The following PCDH9 variants were observed in gnomAD, a reference collection of about 807,000 sequenced individuals.
PCDH9 encodes the protein protocadherin-9.
A neutral mutation model predicts 70.6 loss-of-function variants in PCDH9; 24 were observed. The ratio of observed to expected loss-of-function variants is 0.34; its 90% CI spans 0.25 to 0.48. The LOEUF (loss-of-function observed/expected upper bound fraction) is 0.48. PCDH9 is among the 20% of genes least tolerant of loss of function. PCDH9 has a pLI of 0.99. For synonymous variants in PCDH9, 562 were observed against 558.5 expected (o/e 1.01, Z -0.09); for missense variants, 1,281 against 1,503.6 (o/e 0.85, Z 2.45).
At chr13:66,337,232 G>A (rs972315052) in intron 4 of PCDH9, among the ~76,000 whole-genome samples, 6 of 151,834 alleles carry the variant, frequency 4.0e-5, no homozygotes, top group Non-Finnish European at 7.4e-5. Flanking sequence ...TCAAAATTAG[G>A]CTCAATAATA....
intron 4 of PCDH9, among the ~76,000 whole-genome samples, chr13:66,350,970 T>C (rs1006598981): frequency 5.3e-5 from 8 of 152,160 alleles, no homozygotes; most frequent in African/African-American, 1.9e-4. Flanking sequence ...TTGCTAATCT[T>C]TTCTCATGTC....
chr13:66,935,065 A>ATTAT (rs1348971320), intron 2 of PCDH9, among the ~76,000 whole-genome samples: 1 of 151,200 alleles, frequency 6.6e-6, no homozygotes, highest in Non-Finnish European at 1.5e-5. Flanking sequence ...TTTTAAATTA[A>ATTAT]TTATTAATAT....
At chr13:66,809,115 T>C (rs944775219) in intron 3 of PCDH9, among the ~76,000 whole-genome samples, 7 of 152,120 alleles carry the variant, frequency 4.6e-5, no homozygotes, top group Admixed American at 2.0e-4. Context: ...GCTCGACTAA[T>C]TTTTTGTATT....
At chr13:66,713,621 G>GTACAT (rs1415001060) in intron 3 of PCDH9, among the ~76,000 whole-genome samples, 2 of 16,886 alleles carry the variant, frequency 1.2e-4, no homozygotes, top group African/African-American at 2.5e-4. Context: ...AAGTGTGTGT[G>GTACAT]TGTGTATATA....
intron 3 of PCDH9, among the ~76,000 whole-genome samples, chr13:66,824,862 C>T (rs1047964332): frequency 2.6e-5 from 4 of 151,306 alleles, no homozygotes; most frequent in African/African-American, 9.7e-5. Flanking sequence ...TAGTGAAAGT[C>T]TTAAATCTGT....
At chr13:66,371,019 C>G (rs1160672178) in intron 4 of PCDH9, among the ~76,000 whole-genome samples, 1 of 152,030 alleles carries the variant, frequency 6.6e-6, no homozygotes, top group Non-Finnish European at 1.5e-5. Flanking sequence ...GATAATGACA[C>G]AGACATAGCT....
rs2068723 is a variant in PCDH9 at position 66,886,274 on chromosome 13, G to A, written c.3138+17230C>T. 7.2e-5 allele frequency among the ~76,000 whole-genome samples: 11 copies of A among 152,198 alleles called. No individual in the cohort carries two copies. The East Asian group carries it at 2.1e-3, about 29-fold the overall frequency. On this transcript the variant is annotated intron_variant, in intron 3 of 4. Coordinates refer to ENST00000377865, the MANE Select transcript of PCDH9 (RefSeq NM_203487.3). ...TCCAAAAGGTTTAGCTCACCCTGAG[G>A]GGTTGCAGAAAAGGAAGAGAACATT...
At chr13:67,146,715 G>A (rs2066125729) in intron 2 of PCDH9, among the ~76,000 whole-genome samples, 1 of 152,172 alleles carries the variant, frequency 6.6e-6, no homozygotes, top group South Asian at 2.1e-4. Context: ...TTATGAAGGA[G>A]TCCCAATTCT....
chr13:67,059,846 T>C (rs1284241258), intron 2 of PCDH9, among the ~76,000 whole-genome samples: 1 of 151,070 alleles, frequency 6.6e-6, no homozygotes, highest in Non-Finnish European at 1.5e-5. Context: ...CAACATTTTG[T>C]ATCTGTGTAT....
intron 4 of PCDH9, among the ~76,000 whole-genome samples, chr13:66,349,764 C>T (rs1340370073): frequency 6.6e-6 from 1 of 152,112 alleles, no homozygotes; most frequent in African/African-American, 2.4e-5. Context: ...ATGTCAGATA[C>T]CAGTTACGAG....
intron 2 of PCDH9, among the ~76,000 whole-genome samples, chr13:67,127,549 T>C (rs996229118): frequency 1.3e-5 from 2 of 151,794 alleles, no homozygotes; most frequent in African/African-American, 2.4e-5. Flanking sequence ...GTATCCTTTT[T>C]TGCACTACAA....
chr13:66,895,178 T>C (rs1371066298), intron 3 of PCDH9, among the ~76,000 whole-genome samples: 1 of 152,218 alleles, frequency 6.6e-6, no homozygotes, highest in Non-Finnish European at 1.5e-5. Flanking sequence ...TATTTTATAA[T>C]ACGAACTGTT....
intron 2 of PCDH9, among the ~76,000 whole-genome samples, chr13:67,072,554 T>G (rs963893268): frequency 1.1e-4 from 17 of 152,140 alleles, no homozygotes; most frequent in Non-Finnish European, 2.2e-4. Context: ...TTAATCTTCC[T>G]TTTTTATAGG....
At chr13:66,613,616 T>C (rs1288347982) in intron 4 of PCDH9, among the ~76,000 whole-genome samples, 1 of 152,218 alleles carries the variant, frequency 6.6e-6, no homozygotes, top group East Asian at 1.9e-4. Flanking sequence ...AAGCTTTGTT[T>C]AGCAATCCTG....
intron 4 of PCDH9, among the ~76,000 whole-genome samples, chr13:66,599,306 G>A (rs2077137931): frequency 6.6e-6 from 1 of 151,454 alleles, no homozygotes; most frequent in Non-Finnish European, 1.5e-5. Context: ...TGTTTTAATT[G>A]AAGAGATTTT....
At chr13:66,883,182 A>T (rs1218193447) in intron 3 of PCDH9, among the ~76,000 whole-genome samples, 2 of 152,146 alleles carry the variant, frequency 1.3e-5, no homozygotes, top group Admixed American at 6.5e-5. Context: ...ATCACCTCTA[A>T]GGCTCTGATC....
chr13:66,622,373 C>G (rs1333491139), intron 4 of PCDH9, among the ~76,000 whole-genome samples: 2 of 152,178 alleles, frequency 1.3e-5, no homozygotes, highest in Non-Finnish European at 2.9e-5. Context: ...CACCTGCAGC[C>G]CCGGTGCAGG....
chr13:66,821,373 T>C (rs945302566), intron 3 of PCDH9, among the ~76,000 whole-genome samples: 1 of 152,150 alleles, frequency 6.6e-6, no homozygotes, highest in Admixed American at 6.5e-5. Flanking sequence ...CTATTTCTTT[T>C]TGAACCTTAC....
intron 2 of PCDH9, among the ~76,000 whole-genome samples, chr13:67,070,794 TAATA>T (rs1181778756): frequency 6.6e-6 from 1 of 152,202 alleles, no homozygotes; most frequent in African/African-American, 2.4e-5. Flanking sequence ...ATGTAAAATC[TAATA>T]ATTATGTAAG....
Sources: gnomAD v4.1 joint callset for allele counts (sites outside exome capture counted in the v4.1 genomes callset) on GRCh38, gnomAD v4.1.1 for gene constraint, MANE v1.5 for transcripts, NCBI Gene and HGNC (gene_info 2026-07-23, HGNC 2026-07-21) for gene names.